Variants in EPHA6 observed in about 807,000 individuals in gnomAD.
EPHA6 encodes EPH receptor A6, also known as ephrin type-A receptor 6.
EPHA6 carries 50 observed loss-of-function variants against 112.0 expected under a neutral mutation model. The observed-to-expected ratio is 0.45, with a 90% CI of 0.36 to 0.56. The LOEUF (loss-of-function observed/expected upper bound fraction) is 0.56. EPHA6 is among the 20% of genes least tolerant of loss of function. The pLI is 0.00. For synonymous variants in EPHA6, 529 were observed against 490.7 expected (o/e 1.08, Z -1.03); for missense variants, 1,280 against 1,417.4 (o/e 0.90, Z 1.56).
At position 97,759,482 on chromosome 3, in the gene EPHA6, T is replaced by C. The variant is rs2036104435; in HGVS notation, c.*10781T>C. On this transcript the variant is annotated 3_prime_UTR_variant, in exon 18 of 18. Transcript: ENST00000389672. ...AGGATGCTACAGCATATTTATCTAC[T>C]AATGAAAATGACTTGGCAGACAGGG... 1 of 229,942 alleles carries C rather than the reference T, an allele frequency of 4.3e-6. No individual in the cohort carries two copies. Among genetic ancestry groups the C allele is most frequent in the African/African-American group, 2.2e-5 (1 of 45,186 alleles). The allele number at this position is 229,942 out of a possible 1,614,324, so 14.2% of individuals were successfully genotyped here. A position where few individuals can be genotyped will look rare whatever the true frequency, so the allele number is the denominator to read the frequency against.
chr3:96,902,321 A>T (rs550910001), intron 2 of EPHA6, among the ~76,000 whole-genome samples: 5 of 152,252 alleles, frequency 3.3e-5, no homozygotes, highest in East Asian at 1.9e-4. Flanking sequence ...AAAACATGAA[A>T]TTTTTTCCCA....
At chr3:97,253,940 A>G (rs183397016) in intron 5 of EPHA6, among the ~76,000 whole-genome samples, 1 of 152,204 alleles carries the variant, frequency 6.6e-6, no homozygotes, top group Admixed American at 6.5e-5. Context: ...TTTTATAAAC[A>G]TAAATATATT....
chr3:96,878,443 C>T (rs754973176), intron 2 of EPHA6, among the ~76,000 whole-genome samples: 2 of 151,928 alleles, frequency 1.3e-5, no homozygotes, highest in Non-Finnish European at 2.9e-5. Context: ...CCATTATTAT[C>T]CTAATTTCAG....
At chr3:97,675,555 T>C (rs1356882034) in intron 14 of EPHA6, among the ~76,000 whole-genome samples, 1 of 152,134 alleles carries the variant, frequency 6.6e-6, no homozygotes, top group Non-Finnish European at 1.5e-5. Context: ...AATTCTTGTT[T>C]TGAACTTTAA....
At chr3:97,535,640 T>G (rs1485328048) in intron 11 of EPHA6, among the ~76,000 whole-genome samples, 1 of 152,068 alleles carries the variant, frequency 6.6e-6, no homozygotes, top group African/African-American at 2.4e-5. Flanking sequence ...AGCTAAGAGA[T>G]AGCTAGCAAT....
chr3:97,147,120 C>G (rs1410870636), intron 3 of EPHA6, among the ~76,000 whole-genome samples: 1 of 151,954 alleles, frequency 6.6e-6, no homozygotes, highest in African/African-American at 2.4e-5. Context: ...CTTTGCCCAC[C>G]TCTCCCCCAG....
chr3:96,937,746 A>C lies in EPHA6; in HGVS notation c.451-49584A>C, dbSNP rs1450403726. Among the ~76,000 whole-genome samples, 3 of 152,262 alleles carry C rather than the reference A, an allele frequency of 2.0e-5. No homozygotes were observed. In the South Asian group the frequency reaches 6.2e-4, roughly 32 times the overall value. ...TAGGGTTTTTATGGTTTTAGGTCTA[A>C]CATTGAAGTCTTTAATCCATCTTGA... On this transcript the variant is annotated intron_variant, in intron 2 of 17. Transcript: ENST00000389672.
chr3:96,988,501 G>A (rs554910382), intron 3 of EPHA6, among the ~76,000 whole-genome samples: 1 of 152,062 alleles, frequency 6.6e-6, no homozygotes, highest in Non-Finnish European at 1.5e-5. Context: ...GACATTTAAA[G>A]ACAGCAATAA....
intron 3 of EPHA6, among the ~76,000 whole-genome samples, chr3:97,016,316 A>G (rs1226752355): frequency 6.6e-6 from 1 of 152,182 alleles, no homozygotes; most frequent in Non-Finnish European, 1.5e-5. Context: ...ATTTTTGGCA[A>G]TGATTCAAAG....
At chr3:97,547,856 C>T (rs2092976077) in intron 11 of EPHA6, among the ~76,000 whole-genome samples, 1 of 152,220 alleles carries the variant, frequency 6.6e-6, no homozygotes, top group Non-Finnish European at 1.5e-5. Context: ...GGGCGTAGGA[C>T]CCTCCAAGCC....
intron 3 of EPHA6, among the ~76,000 whole-genome samples, chr3:97,218,991 G>A (rs1014058634): frequency 2.6e-5 from 4 of 152,076 alleles, no homozygotes; most frequent in Non-Finnish European, 5.9e-5. Context: ...ATCTAGTGTG[G>A]CAGTCAAATC....
intron 5 of EPHA6, among the ~76,000 whole-genome samples, chr3:97,343,977 T>A (rs1386154198): frequency 1.3e-5 from 2 of 152,170 alleles, no homozygotes; most frequent in Non-Finnish European, 2.9e-5. Context: ...TGGGGCCTAT[T>A]AACTTCCCTA....
intron 5 of EPHA6, among the ~76,000 whole-genome samples, chr3:97,285,394 C>G (rs2080430627): frequency 6.6e-6 from 1 of 152,046 alleles, no homozygotes; most frequent in Non-Finnish European, 1.5e-5. Context: ...CTCTTCCTAT[C>G]CTTTGCTCAC....
intron 2 of EPHA6, among the ~76,000 whole-genome samples, chr3:96,869,529 G>A (rs1440344066): frequency 6.6e-6 from 1 of 152,044 alleles, no homozygotes; most frequent in East Asian, 1.9e-4. Context: ...TAGGGTTGCA[G>A]TGGAAATAAT....
At chr3:97,207,222 A>C (rs2108507659) in intron 3 of EPHA6, among the ~76,000 whole-genome samples, 1 of 152,306 alleles carries the variant, frequency 6.6e-6, no homozygotes, top group African/African-American at 2.4e-5. Context: ...CTGAATATAA[A>C]AAAATTGGTT....
At chr3:97,507,042 T>G (rs1017909834) in intron 10 of EPHA6, among the ~76,000 whole-genome samples, 4 of 152,208 alleles carry the variant, frequency 2.6e-5, no homozygotes, top group Non-Finnish European at 5.9e-5. Context: ...CTGAAGTTGC[T>G]TATCATCTTA....
chr3:97,494,814 C>G (rs1314695179), intron 10 of EPHA6, among the ~76,000 whole-genome samples: 1 of 152,182 alleles, frequency 6.6e-6, no homozygotes, highest in Non-Finnish European at 1.5e-5. Context: ...ACACCATTAC[C>G]CTTCAAATAG....
At chr3:97,334,478 C>CTTTTTTTTTTTTTTTTTTTT (rs1354125066) in intron 5 of EPHA6, among the ~76,000 whole-genome samples, 3 of 128,064 alleles carry the variant, frequency 2.3e-5, no homozygotes, top group African/African-American at 8.9e-5. Flanking sequence ...TTTTTTTCTT[C>CTTTTTTTTTTTTTTTTTTTT]TTTTTTTTTT....
intron 11 of EPHA6, among the ~76,000 whole-genome samples, chr3:97,536,650 G>C (rs1479064243): frequency 6.6e-6 from 1 of 152,142 alleles, no homozygotes; most frequent in East Asian, 1.9e-4. Context: ...ATCTGGGTAA[G>C]AGAGTAGATT....
Sources: gnomAD v4.1 joint callset for allele counts (sites outside exome capture counted in the v4.1 genomes callset) on GRCh38, gnomAD v4.1.1 for gene constraint, MANE v1.5 for transcripts, NCBI Gene and HGNC (gene_info 2026-07-23, HGNC 2026-07-21) for gene names.